The following TTN variants were observed in gnomAD, a reference collection of about 807,000 sequenced individuals.
TTN encodes the protein titin.
TTN carries 1,525 observed loss-of-function variants against 3,223.0 expected under a neutral mutation model. That is an observed-to-expected ratio of 0.47 (90% CI 0.45 to 0.49). The LOEUF is 0.49. Ranked by LOEUF, TTN falls within the 20% of genes least tolerant of loss-of-function variation. The probability of loss-of-function intolerance (pLI) is 0.00; values close to 1 mark genes in which losing one functional copy is unlikely to be tolerated. For missense variants in TTN, 40,786 were observed against 43,424.0 expected (o/e 0.94, Z 5.40); for synonymous variants, 14,094 against 15,161.0 (o/e 0.93, Z 5.17).
chr2:178,575,063 A>G lies in TTN; in HGVS notation c.71069T>C (p.Ile23690Thr), dbSNP rs752065044. 1 of 1,613,380 alleles carries G rather than the reference A, an allele frequency of 6.2e-7. No homozygotes were observed. Among genetic ancestry groups the G allele is most frequent in the South Asian group, 1.1e-5 (1 of 91,068 alleles). The change falls in exon 326 of 363, where the codon ATT becomes ACT. Residue 23690 changes from isoleucine to threonine, a missense_variant. By Grantham distance (89) the Ile-to-Thr change is moderately conservative. Coordinates refer to ENST00000589042, the MANE Select transcript of TTN (RefSeq NM_001267550.2). The surrounding 1 kb of genome is among the most constrained non-coding windows in gnomAD (Gnocchi z 4.0). ...VNFETTATST[I>T]LNINECVRSD... ...TCTGACACACTCATTGATATTTAAA[A>G]TGGTTGAAGTCGCTGTGGTTTCAAA...
At position 178,793,448 on chromosome 2, in the gene TTN, C is replaced by G; in HGVS notation, c.1492G>C (p.Val498Leu). 2 of 1,614,110 alleles carry G rather than the reference C, an allele frequency of 1.2e-6. No homozygotes were observed. Among genetic ancestry groups the G allele is most frequent in the Non-Finnish European group, 1.7e-6 (2 of 1,179,996 alleles). ...EQELKSRTKE[V>L]ITTKQEQMHV... ...ATCTGCTCTTGCTTTGTGGTAATTA[C>G]TTCTTTGGTTCTTGATTTTAATTCT... The change falls in exon 9 of 363, where the codon GTA becomes CTA. Residue 498 changes from valine to leucine, a missense_variant. Coordinates refer to ENST00000589042, the MANE Select transcript of TTN (RefSeq NM_001267550.2).
rs1488354536 is a variant in TTN, at chr2:178,675,927, CA to C, written c.34446del (p.Ala11483ProfsTer56). On this transcript the variant is annotated frameshift_variant, in exon 148 of 363. Transcript: ENST00000589042. LOFTEE classifies it high-confidence loss of function. ...TACTTCGGAATAGCAATACCTTTGG[CA>C]GGGGGAGCCTCCTCTTTCTTGGGAA... is the stretch of plus-strand genomic sequence containing the variant. ...VVIPKKEEAP[P>X]AKVSVVPKKP... The C allele has an allele frequency of 1.9e-6, 3 of 1,607,166 alleles. No individual in the cohort carries two copies. Among genetic ancestry groups the C allele is most frequent in the African/African-American group, 2.7e-5 (2 of 74,758 alleles).
chr2:178,771,985 A>T (rs2154343674), intron 33 of TTN, among the ~76,000 whole-genome samples: 1 of 152,336 alleles, frequency 6.6e-6, no homozygotes, highest in Non-Finnish European at 1.5e-5. Context: ...ATCCATTAGC[A>T]GAAATAATTA....
At position 178,559,447 on chromosome 2, in the gene TTN, C is replaced by T; in HGVS notation, c.86685G>A (p.Val28895=). ...AGGAGAGGCGGTTACAGTTGTTGGT[C>T]ACAGAGACCCATGCTTTCTTGCTGG... The part of the protein sequence containing the change: ...REASKKAWVS[V]TNNCNRLSYK... Residue 28895 remains valine, a synonymous_variant, in exon 326 of 363, where the codon GTG becomes GTA. Coordinates refer to ENST00000589042, the MANE Select transcript of TTN (RefSeq NM_001267550.2). The T allele has an allele frequency of 6.2e-7, 1 of 1,613,536 alleles. No individual in the cohort carries two copies. The highest frequency in any genetic ancestry group is 8.5e-7 in the Non-Finnish European group (1 of 1,179,712).
At chr2:178,555,712 A>G (rs1701144682) in intron 330 of TTN, 1 of 152,974 alleles carries the variant, frequency 6.5e-6, no homozygotes, top group Non-Finnish European at 1.5e-5. Context: ...CAGTATCCAC[A>G]AAGCCTGATT....
chr2:178,733,455 G>C lies in TTN; in HGVS notation c.15838C>G (p.Leu5280Val), dbSNP rs879207679. 1 of 1,613,838 alleles carries C rather than the reference G, an allele frequency of 6.2e-7. No homozygotes were observed. Among genetic ancestry groups the C allele is most frequent in the Non-Finnish European group, 8.5e-7 (1 of 1,179,782 alleles). The change falls in exon 54 of 363, where the codon CTG (leucine) becomes GTG (valine). Residue 5280 changes from leucine (L) to valine (V), a missense_variant. By Grantham distance (32) the Leu-to-Val change is conservative. Transcript: ENST00000589042. ...GGCGTGCCTGCCACTGTGTACTCCA[G>C]TGTGGCGGGATCTCCTGCTGTCACC... ...IQVTAGDPATLEYTVAGTPEL... is the reference protein window; with the variant it reads ...IQVTAGDPATVEYTVAGTPEL...
intron 91 of TTN, 27 bp from the exon 92 acceptor site, chr2:178,714,202 T>C: frequency 2.5e-6 from 4 of 1,594,118 alleles, no homozygotes; most frequent in Non-Finnish European, 3.4e-6. Context: ...AAGATATCCA[T>C]ATTTTAAACT....
At chr2:178,766,274 C>T (rs946734796) in intron 41 of TTN, 107 bp downstream of exon 41, 3 of 904,230 alleles carry the variant, frequency 3.3e-6, no homozygotes, top group East Asian at 2.4e-5. Flanking sequence ...ACATGAATAC[C>T]ATAGGTTCTT....
chr2:178,802,979 A>C (rs1027178374), intron 2 of TTN, among the ~76,000 whole-genome samples: 5 of 152,244 alleles, frequency 3.3e-5, no homozygotes, highest in Non-Finnish European at 7.3e-5. Context: ...GCAGGTAGAA[A>C]GCCAAATTCT....
At position 178,594,496 on chromosome 2, in the gene TTN, T is replaced by C. The variant is rs1469122729; in HGVS notation, c.57998A>G (p.Lys19333Arg). 2 of 1,613,448 alleles carry C rather than the reference T, an allele frequency of 1.2e-6. No homozygotes were observed. Among genetic ancestry groups the C allele is most frequent in the East Asian group, 2.2e-5 (1 of 44,784 alleles). The change falls in exon 296 of 363, where the codon AAA (lysine) becomes AGA (arginine). Residue 19333 changes from lysine to arginine, a missense_variant. Physicochemically the swap from Lys to Arg is conservative, Grantham distance 26. Transcript: ENST00000589042. ...SRLIGTEKFH[K>R]VTNDNLLSRK... is the part of the protein sequence containing the mutation. The stretch of plus-strand genomic sequence containing the variant: ...GCTAAGCAAGTTGTCATTTGTAACT[T>C]TGTGGAACTTCTCAGTCCCAATGAG...
Position 178,546,371 on chromosome 2 carries a change from T to C in TTN, c.94960A>G (p.Lys31654Glu). 6.2e-7 allele frequency: 1 copy of C among 1,613,784 alleles called. No individual in the cohort carries two copies. Among genetic ancestry groups the C allele is most frequent in the Admixed American group, 1.7e-5 (1 of 60,010 alleles). The change falls in exon 342 of 363, where the codon AAG becomes GAG. Residue 31654 changes from lysine (K) to glutamate (E), a missense_variant. Transcript: ENST00000589042. ...ACTTTTTCACAGAGATCTAGCTCCT[T>C]GTCTCCTTTGGTCCAGATAATTTTG... ...EPKIIWTKGD[K>E]ELDLCEKVSL...
At position 178,547,917 on chromosome 2, in the gene TTN, C is replaced by G. The variant is rs751307668; in HGVS notation, c.93709G>C (p.Val31237Leu). 6.2e-7 allele frequency: 1 copy of G among 1,613,774 alleles called. No homozygotes were observed. The highest frequency in any genetic ancestry group is 1.7e-5 in the Admixed American group (1 of 59,980). The change falls in exon 339 of 363, where the codon GTA becomes CTA. Residue 31237 changes from valine (V) to leucine (L), a missense_variant. Transcript: ENST00000589042. The part of the protein sequence containing the change: ...CKAGSPFTID[V>L]PISGRPAPKV... ...GGGGCAGGACGACCACTGATTGGTA[C>G]GTCAATGGTAAATGGGCTTCCTGCT...
In TTN at chr2:178,725,501, G is replaced by T; in HGVS notation, c.20703C>A (p.Ile6901=). Residue 6901 remains isoleucine, a synonymous_variant, in exon 71 of 363, where the codon ATC becomes ATA. Transcript: ENST00000589042. ...CAACATTTTCCACAAATGTAATCCT[G>T]ATGTTTTCACTTTCTCTAATCACTT... The part of the protein sequence containing the change: ...KEEVIRESEN[I]RITFVENVAT... 1 of 1,613,316 alleles carries T rather than the reference G, an allele frequency of 6.2e-7. No individual in the cohort carries two copies. The highest frequency in any genetic ancestry group is 1.3e-5 in the African/African-American group (1 of 74,966).
Position 178,667,565 on chromosome 2 carries a change from A to G in TTN, c.35630-40T>C, listed in dbSNP as rs1186423962. 7 of 1,582,102 alleles carry G rather than the reference A, an allele frequency of 4.4e-6. No individual in the cohort carries two copies. In the African/African-American group the frequency reaches 6.8e-5, roughly 15 times the overall value. ...GTATAGTTATATTTATAAATGGTGAAGAAAAATATTGAGCTTTTTAAAAGG... is the reference window on the plus strand; with the variant it reads ...GTATAGTTATATTTATAAATGGTGAGGAAAAATATTGAGCTTTTTAAAAGG... On this transcript the variant is annotated intron_variant, in intron 160 of 362. Transcript: ENST00000589042.
rs375966756 is a variant in TTN at position 178,607,999 on chromosome 2, A to T, written c.52788T>A (p.Asn17596Lys). Residue 17596 changes from asparagine to lysine, a missense_variant, in exon 276 of 363, where the codon AAT (asparagine) becomes AAA (lysine). Asn to Lys is a moderately conservative substitution (Grantham distance 94). Coordinates refer to ENST00000589042, the MANE Select transcript of TTN (RefSeq NM_001267550.2). ...AATAGCCAACAATTTCCCCACCACC[A>T]TTGAAAGCTGGGGGTTCCCATTCTA... ...IELEWEPPAF[N>K]GGGEIVGYFV... 28 of 1,612,872 alleles carry T rather than the reference A, an allele frequency of 1.7e-5. No individual in the cohort carries two copies. Among genetic ancestry groups the T allele is most frequent in the Non-Finnish European group, 2.2e-5 (26 of 1,179,322 alleles).
Position 178,699,383 on chromosome 2 carries a change from C to CTTTTTTTTTTTTT in TTN, c.30683-482_30683-470dup, listed in dbSNP as rs59989386. The stretch of plus-strand genomic sequence containing the variant: ...TTTGTATTCATGAATAAATAACACT[C>CTTTTTTTTTTTTT]TTTTTTTTTTTTTTTTTTTTTTTTT... On this transcript the variant is annotated intron_variant, in intron 111 of 362. Transcript: ENST00000589042. Among the ~76,000 whole-genome samples, 11 of 44,912 alleles carry CTTTTTTTTTTTTT rather than the reference C, an allele frequency of 2.4e-4. 2 individuals carry two copies. The highest frequency in any genetic ancestry group is 4.8e-4 in the Non-Finnish European group (11 of 22,892). 29.5% of individuals were successfully genotyped at this position (44,912 alleles called of 152,430 possible).
Position 178,576,841 on chromosome 2 carries a change from A to C in TTN, c.69413-10T>G, listed in dbSNP as rs1304463140. On this transcript the variant is annotated splice_polypyrimidine_tract_variant and intron_variant, in intron 324 of 362. Coordinates refer to ENST00000589042, the MANE Select transcript of TTN (RefSeq NM_001267550.2). The surrounding 1 kb of genome is among the most constrained non-coding windows in gnomAD (Gnocchi z 4.3). The stretch of plus-strand genomic sequence containing the variant: ...GGAGGGCCAGGGGGACCTGAAAAGG[A>C]AGCAAATTTATTAGAAATCCATGAT... 1.2e-6 allele frequency: 2 copies of C among 1,601,710 alleles called. No individual in the cohort carries two copies. Among genetic ancestry groups the C allele is most frequent in the South Asian group, 1.1e-5 (1 of 88,022 alleles).
rs907599077 is a variant in TTN at position 178,746,561 on chromosome 2, A to G, written c.11312-4640T>C. The G allele has an allele frequency of 6.5e-5, 105 of 1,613,082 alleles. No homozygotes were observed. Among genetic ancestry groups the G allele is most frequent in the Non-Finnish European group, 8.6e-5 (102 of 1,179,572 alleles). The stretch of plus-strand genomic sequence containing the variant: ...ATGTGTTACTGGAGGTGGTAGTGCC[A>G]CCACTCTTTCTTCCTGGGGCATTAT... On this transcript the variant is annotated intron_variant, in intron 47 of 362. Transcript: ENST00000589042.
intron 127 of TTN, among the ~76,000 whole-genome samples, chr2:178,686,887 G>A (rs1352567894): frequency 6.6e-6 from 1 of 152,224 alleles, no homozygotes; most frequent in Admixed American, 6.5e-5. Context: ...AGTGTCAAAA[G>A]TTGAAATCAG....
Sources: allele counts gnomAD v4.1 joint callset (sites outside exome capture counted in the v4.1 genomes callset), GRCh38; gene constraint gnomAD v4.1.1; non-coding constraint Gnocchi (gnomAD v3.1); transcripts MANE v1.5; gene names NCBI Gene and HGNC (gene_info 2026-07-23, HGNC 2026-07-21).